Variants in ICA1 observed in about 807,000 individuals in gnomAD.
The protein encoded by ICA1 is islet cell autoantigen 1, also known as 69 kDa islet cell autoantigen.
Under a neutral mutation model 71.0 loss-of-function variants are expected in ICA1, and 40 were observed. The ratio of observed to expected loss-of-function variants is 0.56; its 90% CI spans 0.44 to 0.73. ICA1 has a LOEUF of 0.73. Among genes scored for constraint, ICA1 ranks in the 30% least tolerant of loss-of-function variants. The pLI is 0.00. For missense variants in ICA1, 578 were observed against 576.5 expected, an observed-to-expected ratio of 1.00 and a Z score of -0.03; for synonymous variants, 207 against 209.5, an observed-to-expected ratio of 0.99 and a Z score of 0.10.
intron 1 of ICA1, among the ~76,000 whole-genome samples, chr7:8,257,972 G>A (rs1167424825): frequency 3.3e-5 from 5 of 152,058 alleles, no homozygotes; most frequent in Admixed American, 2.0e-4. Context: ...AGTGGGGAAC[G>A]CTCTTTCTCC....
chr7:8,204,025 A>C (rs1248271991), intron 6 of ICA1, among the ~76,000 whole-genome samples: 3 of 152,124 alleles, frequency 2.0e-5, no homozygotes, highest in South Asian at 2.1e-4. Flanking sequence ...CCAAACCCAG[A>C]AATGTGACTG....
intron 6 of ICA1, among the ~76,000 whole-genome samples, chr7:8,184,846 G>A (rs1318984190): frequency 6.6e-6 from 1 of 152,154 alleles, no homozygotes; most frequent in Non-Finnish European, 1.5e-5. Flanking sequence ...AGGCCAGGGC[G>A]GGCAGATCAC....
chr7:8,124,111 ATTTTTTTTTT>A (rs536582712), intron 13 of ICA1, among the ~76,000 whole-genome samples: 12 of 107,414 alleles, frequency 1.1e-4, no homozygotes, highest in African/African-American at 3.7e-4. Flanking sequence ...GAATCATACA[ATTTTTTTTTT>A]TTTTTTTTTT....
Position 8,132,249 on chromosome 7 carries a change from C to T in ICA1, c.1061-4107G>A, listed in dbSNP as rs1791725400. On this transcript the variant is annotated intron_variant, in intron 12 of 13. Coordinates refer to ENST00000402384, the MANE Select transcript of ICA1 (RefSeq NM_001136020.3). The surrounding 1 kb of genome is among the most constrained non-coding windows in gnomAD (Gnocchi z 4.5). The stretch of plus-strand genomic sequence containing the variant: ...CCTCCCCTCCTTCCTGAAGCCTGCT[C>T]TGTTCCCACCATTATTCAGATCCAG... Among the ~76,000 whole-genome samples, 1 of 152,210 alleles carries T rather than the reference C, an allele frequency of 6.6e-6. No individual in the cohort carries two copies. The highest frequency in any genetic ancestry group is 1.5e-5 in the Non-Finnish European group (1 of 68,030).
intron 1 of ICA1, among the ~76,000 whole-genome samples, chr7:8,243,469 G>A (rs947411358): frequency 6.6e-6 from 1 of 152,242 alleles, no homozygotes; most frequent in South Asian, 2.1e-4. Context: ...CATACTGAAA[G>A]GGCAAAAACT....
At chr7:8,199,570 C>T (rs767995348) in intron 6 of ICA1, among the ~76,000 whole-genome samples, 9 of 152,134 alleles carry the variant, frequency 5.9e-5, no homozygotes, top group Non-Finnish European at 7.4e-5. Context: ...AAAAATTAGC[C>T]GGGTGTGGTG....
chr7:8,194,574 T>G (rs1786778903), intron 6 of ICA1, among the ~76,000 whole-genome samples: 1 of 152,216 alleles, frequency 6.6e-6, no homozygotes, highest in Non-Finnish European at 1.5e-5. Context: ...AAATGTTACT[T>G]CTTCTTGACC....
In ICA1 at chr7:8,223,622, A is replaced by G. The variant is rs113117378; in HGVS notation, c.257-2224T>C. The G allele has an allele frequency of 3.2e-5, 5 of 154,416 alleles. No homozygotes were observed. The highest frequency in any genetic ancestry group is 1.2e-4 in the African/African-American group (5 of 41,628). 9.6% of individuals were successfully genotyped at this position (154,416 alleles called of 1,614,324 possible). A position where few individuals can be genotyped will look rare whatever the true frequency, so the allele number is the denominator to read the frequency against. ...CAGAAGTTTAAAATTCAGGTATAAC[A>G]TAGGTATCAGGTAACGCAAAAGGGC... On this transcript the variant is annotated intron_variant, in intron 4 of 13. Coordinates refer to ENST00000402384, the MANE Select transcript of ICA1 (RefSeq NM_001136020.3). This position sits in a 1 kb window ranked among gnomAD's most constrained non-coding sequence, Gnocchi z 4.1.
intron 6 of ICA1, among the ~76,000 whole-genome samples, chr7:8,184,834 G>C (rs1039535527): frequency 6.6e-6 from 1 of 152,172 alleles, no homozygotes; most frequent in Non-Finnish European, 1.5e-5. Flanking sequence ...CAGCACTTTG[G>C]GAGGCCAGGG....
At chr7:8,190,519 C>T (rs752796639) in intron 6 of ICA1, among the ~76,000 whole-genome samples, 1 of 152,150 alleles carries the variant, frequency 6.6e-6, no homozygotes, top group Non-Finnish European at 1.5e-5. Context: ...GAAATGTGTT[C>T]AACTGCATTG....
intron 12 of ICA1, among the ~76,000 whole-genome samples, chr7:8,128,722 G>A (rs1790283831): frequency 6.6e-6 from 1 of 152,188 alleles, no homozygotes; most frequent in East Asian, 1.9e-4. Context: ...ATGAAGCAAA[G>A]GAAAAGTGGG....
At chr7:8,237,678 A>C (rs955580003) in intron 1 of ICA1, among the ~76,000 whole-genome samples, 1 of 152,172 alleles carries the variant, frequency 6.6e-6, no homozygotes, top group African/African-American at 2.4e-5. Context: ...ATAAAAATGC[A>C]AACACTCAGT....
intron 4 of ICA1, among the ~76,000 whole-genome samples, chr7:8,225,947 A>G (rs1261071051): frequency 6.6e-6 from 1 of 152,180 alleles, no homozygotes; most frequent in African/African-American, 2.4e-5. Flanking sequence ...TCCATGTATA[A>G]TTATTTTTGT....
intron 8 of ICA1, among the ~76,000 whole-genome samples, chr7:8,150,653 G>A (rs759809202): frequency 8.5e-5 from 13 of 152,204 alleles, no homozygotes; most frequent in Admixed American, 2.0e-4. Flanking sequence ...AATATGAGGC[G>A]TTTGGGAGAT....
intron 13 of ICA1, among the ~76,000 whole-genome samples, chr7:8,120,714 C>A (rs1487847045): frequency 6.6e-6 from 1 of 152,180 alleles, no homozygotes; most frequent in Non-Finnish European, 1.5e-5. Flanking sequence ...TACCCATTTG[C>A]AGGAAACAAA....
chr7:8,243,725 G>T (rs901875097), intron 1 of ICA1, among the ~76,000 whole-genome samples: 2 of 152,148 alleles, frequency 1.3e-5, no homozygotes, highest in African/African-American at 4.8e-5. Flanking sequence ...AAAGTCTCAG[G>T]ATACAAAATC....
chr7:8,253,568 T>A (rs1808952815), intron 1 of ICA1, among the ~76,000 whole-genome samples: 2 of 152,158 alleles, frequency 1.3e-5, no homozygotes, highest in African/African-American at 2.4e-5. Context: ...TATACACCAG[T>A]TTTTTTCAAC....
intron 6 of ICA1, among the ~76,000 whole-genome samples, chr7:8,198,389 A>G (rs1193536785): frequency 6.6e-6 from 1 of 152,250 alleles, no homozygotes; most frequent in African/African-American, 2.4e-5. Flanking sequence ...GGCTGAAAAT[A>G]GTGTGAATTA....
rs1283270045 is a variant in ICA1 at position 8,132,289 on chromosome 7, C to G, written c.1061-4147G>C. Reference sequence around the variant, plus strand: ...TTCAGATCCAGCACCTTTAGTCTTTCATTTTCCAATGCTTCCTTCCCCTAG... The same window carrying G: ...TTCAGATCCAGCACCTTTAGTCTTTGATTTTCCAATGCTTCCTTCCCCTAG... On this transcript the variant is annotated intron_variant, in intron 12 of 13. Transcript: ENST00000402384. This position sits in a 1 kb window ranked among gnomAD's most constrained non-coding sequence, Gnocchi z 4.5. Among the ~76,000 whole-genome samples the G allele has an allele frequency of 6.6e-6, 1 of 152,192 alleles. No homozygotes were observed. Among genetic ancestry groups the G allele is most frequent in the Non-Finnish European group, 1.5e-5 (1 of 68,026 alleles).
Sources: gnomAD v4.1 joint callset for allele counts (sites outside exome capture counted in the v4.1 genomes callset) on GRCh38, gnomAD v4.1.1 for gene constraint, Gnocchi (gnomAD v3.1) non-coding constraint, MANE v1.5 for transcripts, NCBI Gene and HGNC (gene_info 2026-07-23, HGNC 2026-07-21) for gene names.